The following PDPK1 variants were observed in gnomAD, a reference collection of about 807,000 sequenced individuals.
PDPK1 encodes the protein 3-phosphoinositide dependent protein kinase 1, also known as 3-phosphoinositide-dependent protein kinase 1.
Under a neutral mutation model 39.8 loss-of-function variants are expected in PDPK1, and 7 were observed. The observed-to-expected ratio is 0.18, with a 90% confidence interval of 0.10 to 0.33. PDPK1 has a LOEUF of 0.33. Among genes scored for constraint, PDPK1 ranks in the 10% least tolerant of loss-of-function variants. The pLI is 1.00. For synonymous variants in PDPK1, 118 were observed against 159.1 expected, an observed-to-expected ratio of 0.74 and a Z score of 1.95; for missense variants, 182 against 384.7, an observed-to-expected ratio of 0.47 and a Z score of 4.41.
intron 1 of PDPK1, among the ~76,000 whole-genome samples, chr16:2,544,732 T>C (rs974621131): frequency 9.2e-5 from 14 of 151,402 alleles, no homozygotes; most frequent in South Asian, 2.1e-4. Flanking sequence ...CACAGGCGCC[T>C]GCCACCATGC....
Position 2,600,092 on chromosome 16 carries a change from T to G in PDPK1, c.*2325T>G, listed in dbSNP as rs2067186709. On this transcript the variant is annotated 3_prime_UTR_variant, in exon 14 of 14. Transcript: ENST00000342085. ...TTTTGAAAGGCCCGTGTGTTTTCTTTCCTTACCCTGTGCTTGCTCATGTCT... is the reference window on the plus strand; with the variant it reads ...TTTTGAAAGGCCCGTGTGTTTTCTTGCCTTACCCTGTGCTTGCTCATGTCT... 4.3e-6 allele frequency: 1 copy of G among 233,248 alleles called. No individual in the cohort carries two copies. The highest frequency in any genetic ancestry group is 5.6e-5 in the Admixed American group (1 of 17,792). The allele number at this position is 233,248 out of a possible 1,614,324, so 14.4% of individuals were successfully genotyped here. A position where few individuals can be genotyped will look rare whatever the true frequency, so the allele number is the denominator to read the frequency against.
At chr16:2,538,618 G>C in intron 1 of PDPK1, 1 of 1,289,090 alleles carries the variant, frequency 7.8e-7, no homozygotes, top group Non-Finnish European at 1.0e-6. Context: ...CCCTTTTCCA[G>C]ATTCTTGATG....
At position 2,603,086 on chromosome 16, in the gene PDPK1, TC is replaced by T; in HGVS notation, c.*5321del. The T allele has an allele frequency of 4.4e-6, 1 of 227,534 alleles. No individual in the cohort carries two copies. The highest frequency in any genetic ancestry group is 8.7e-6 in the Non-Finnish European group (1 of 114,806). The allele number at this position is 227,534 out of a possible 1,614,324, so 14.1% of individuals were successfully genotyped here. On this transcript the variant is annotated 3_prime_UTR_variant, in exon 14 of 14. Coordinates refer to ENST00000342085, the MANE Select transcript of PDPK1 (RefSeq NM_002613.5). ...TCATATAATTTAATGAATCTGTTTA[TC>T]CTTTTTTTTTTTCCAAATACTTGTG...
chr16:2,586,932 T>C, intron 11 of PDPK1, 39 bp downstream of exon 11: 1 of 1,578,008 alleles, frequency 6.3e-7, no homozygotes, highest in Non-Finnish European at 8.7e-7. Context: ...TTTTGCAGAA[T>C]TGCAGCGTGA....
chr16:2,559,620 G>A (rs1221150916), intron 2 of PDPK1, among the ~76,000 whole-genome samples: 935 of 147,710 alleles, frequency 6.3e-3, no homozygotes, highest in Non-Finnish European at 7.8e-3. Context: ...GGAGTGCAGC[G>A]GTGTGATCAT....
chr16:2,587,575 C>T (rs918836534), intron 11 of PDPK1, among the ~76,000 whole-genome samples: 9 of 152,246 alleles, frequency 5.9e-5, no homozygotes, highest in African/African-American at 2.2e-4. Flanking sequence ...GTGGCGCGAT[C>T]TCAGCTCACT....
intron 11 of PDPK1, among the ~76,000 whole-genome samples, chr16:2,587,739 C>G (rs1870589148): frequency 6.6e-6 from 1 of 152,134 alleles, no homozygotes; most frequent in South Asian, 2.1e-4. Context: ...CTCTTTTTAA[C>G]ATGGATTTTT....
At chr16:2,586,972 GC>G in intron 11 of PDPK1, 79 bp downstream of exon 11, 1 of 1,234,982 alleles carries the variant, frequency 8.1e-7, no homozygotes, top group Non-Finnish European at 1.2e-6. Flanking sequence ...GGGTGCCTTT[GC>G]CTTGTCACTG....
rs2067233454 is a variant in PDPK1, at chr16:2,602,312, G to A, written c.*4545G>A. ...ACTTCTGGCCCAAAATTGCAGGGTT[G>A]TAGATGAGGCTGCCTGTGGAGAACT... On this transcript the variant is annotated 3_prime_UTR_variant, in exon 14 of 14. Transcript: ENST00000342085. 1 of 234,682 alleles carries A rather than the reference G, an allele frequency of 4.3e-6. No homozygotes were observed. The highest frequency in any genetic ancestry group is 8.5e-6 in the Non-Finnish European group (1 of 118,052). 14.5% of individuals were successfully genotyped at this position (234,682 alleles called of 1,614,324 possible). A position where few individuals can be genotyped will look rare whatever the true frequency, so the allele number is the denominator to read the frequency against.
Position 2,600,022 on chromosome 16 carries a change from C to T in PDPK1, c.*2255C>T, listed in dbSNP as rs559538467. ...CATTGCCTGAGCTGACAGCCAAGCC[C>T]TTCTGTGGGTCACCTTTCTCCTCAC... On this transcript the variant is annotated 3_prime_UTR_variant, in exon 14 of 14. Transcript: ENST00000342085. 1 of 233,304 alleles carries T rather than the reference C, an allele frequency of 4.3e-6. No homozygotes were observed. The highest frequency in any genetic ancestry group is 6.0e-5 in the East Asian group (1 of 16,598). The allele number at this position is 233,304 out of a possible 1,614,324, so 14.5% of individuals were successfully genotyped here. A position where few individuals can be genotyped will look rare whatever the true frequency, so the allele number is the denominator to read the frequency against.
At chr16:2,538,333 G>T (rs1447277857) in intron 1 of PDPK1, 197 bp downstream of exon 1, 2 of 409,936 alleles carry the variant, frequency 4.9e-6, no homozygotes, top group Non-Finnish European at 8.7e-6. Flanking sequence ...CCGGGCCTGG[G>T]TTGCGGCGGG....
At chr16:2,594,981 G>C (rs2067071291) in intron 11 of PDPK1, among the ~76,000 whole-genome samples, 2 of 152,174 alleles carry the variant, frequency 1.3e-5, no homozygotes, top group Non-Finnish European at 2.9e-5. Flanking sequence ...AAATTAGCTG[G>C]GCATGGTGGT....
intron 1 of PDPK1, chr16:2,555,962 TTCTATGGGCAGGGACCGTGTCC>T (rs1161952032): frequency 6.0e-5 from 2 of 33,394 alleles, no homozygotes; most frequent in Non-Finnish European, 1.2e-4. Flanking sequence ...GACATCAGCT[TTCTATGGGCAGGGACCGTGTCC>T]TCTTATTGGC....
intron 11 of PDPK1, among the ~76,000 whole-genome samples, chr16:2,592,101 C>A (rs924206974): frequency 2.0e-5 from 3 of 152,332 alleles, no homozygotes; most frequent in Non-Finnish European, 4.4e-5. Context: ...CTGGGGCTCT[C>A]CTGGGCGTGG....
chr16:2,598,930 C>T lies in PDPK1; in HGVS notation c.*1163C>T, dbSNP rs1213229886. On this transcript the variant is annotated 3_prime_UTR_variant, in exon 14 of 14. Transcript: ENST00000342085. Reference sequence around the variant, plus strand: ...GAAATCTCACAGCCTTCTCATGCTGCCGGCTCATCTGGGCCCATAGAGTGG... The same window carrying T: ...GAAATCTCACAGCCTTCTCATGCTGTCGGCTCATCTGGGCCCATAGAGTGG... The T allele has an allele frequency of 1.3e-5, 3 of 233,214 alleles. No individual in the cohort carries two copies. Among genetic ancestry groups the T allele is most frequent in the Non-Finnish European group, 2.5e-5 (3 of 118,066 alleles). 14.4% of individuals were successfully genotyped at this position (233,214 alleles called of 1,614,324 possible).
intron 11 of PDPK1, among the ~76,000 whole-genome samples, chr16:2,588,054 C>G (rs1370460724): frequency 6.6e-6 from 1 of 152,068 alleles, no homozygotes; most frequent in African/African-American, 2.4e-5. Context: ...CCTGGCTAGG[C>G]AGGGACAGGA....
chr16:2,593,072 C>A lies in PDPK1; in HGVS notation c.1344-2721C>A. 1 of 456,412 alleles carries A rather than the reference C, an allele frequency of 2.2e-6. No homozygotes were observed. The highest frequency in any genetic ancestry group is 4.4e-6 in the Non-Finnish European group (1 of 226,952). The allele number at this position is 456,412 out of a possible 1,614,324, so 28.3% of individuals were successfully genotyped here. On this transcript the variant is annotated intron_variant, in intron 11 of 13. Transcript: ENST00000342085. The surrounding 1 kb of genome is among the most constrained non-coding windows in gnomAD (Gnocchi z 4.2). ...CTGGAAGCGAGGCTACTTCTCAGTA[C>A]TATTTCCGAATCGCTTCCTCAGTGA...
At chr16:2,595,946 A>G (rs1162211166) in intron 12 of PDPK1, 96 bp downstream of exon 12, 1 of 894,300 alleles carries the variant, frequency 1.1e-6, no homozygotes, top group East Asian at 2.4e-5. Flanking sequence ...GAATCCTTCC[A>G]TCTCTTGATT....
rs567746314 is a variant in PDPK1 at position 2,597,118 on chromosome 16, G to A, written c.1402-5G>A. Reference sequence around the variant, plus strand: ...GAGGCCTGTTGTTTTGTGTTTTGGCGTCAGGGTTTATTTGCAAGACGACGA... The same window carrying A: ...GAGGCCTGTTGTTTTGTGTTTTGGCATCAGGGTTTATTTGCAAGACGACGA... On this transcript the variant is annotated splice_polypyrimidine_tract_variant and splice_region_variant and intron_variant, in intron 12 of 13. Transcript: ENST00000342085. This position sits in a 1 kb window ranked among gnomAD's most constrained non-coding sequence, Gnocchi z 6.3. 62 of 1,552,420 alleles carry A rather than the reference G, an allele frequency of 4.0e-5. No homozygotes were observed. Among genetic ancestry groups the A allele is most frequent in the South Asian group, 3.7e-4 (31 of 83,000 alleles).
Sources: allele counts gnomAD v4.1 joint callset (sites outside exome capture counted in the v4.1 genomes callset), GRCh38; gene constraint gnomAD v4.1.1; non-coding constraint Gnocchi (gnomAD v3.1); transcripts MANE v1.5; gene names NCBI Gene and HGNC (gene_info 2026-07-23, HGNC 2026-07-21).